The following GRIK4 variants were observed in gnomAD, a reference collection of about 807,000 sequenced individuals.
GRIK4 encodes glutamate receptor ionotropic, kainate 4.
GRIK4 carries 40 observed loss-of-function variants against 104.9 expected under a neutral mutation model. The ratio of observed to expected loss-of-function variants is 0.38; its 90% CI spans 0.30 to 0.50. The LOEUF (loss-of-function observed/expected upper bound fraction) is 0.50. Among genes scored for constraint, GRIK4 ranks in the 20% least tolerant of loss-of-function variants. The pLI, the probability that GRIK4 is intolerant of heterozygous loss-of-function variation, is 0.93. For synonymous variants in GRIK4, 485 were observed against 524.9 expected (o/e 0.92, Z 1.04); for missense variants, 1,047 against 1,308.1 (o/e 0.80, Z 3.08).
chr11:120,757,082 C>G (rs982830726), intron 3 of GRIK4, among the ~76,000 whole-genome samples: 6 of 152,208 alleles, frequency 3.9e-5, no homozygotes, highest in African/African-American at 1.4e-4. Flanking sequence ...CGTGGAGCTG[C>G]CTCCTCACTG....
chr11:120,833,269 TTCTC>T (rs1199397905), intron 7 of GRIK4, among the ~76,000 whole-genome samples: 2 of 134,700 alleles, frequency 1.5e-5, no homozygotes, highest in Non-Finnish European at 3.1e-5. Context: ...CTCTCTTTCT[TTCTC>T]TCTCTCTCTT....
At chr11:120,656,067 T>C (rs946566681) in intron 2 of GRIK4, among the ~76,000 whole-genome samples, 4 of 152,214 alleles carry the variant, frequency 2.6e-5, no homozygotes, top group African/African-American at 9.7e-5. Flanking sequence ...AACCTGGTGC[T>C]CTAACTTCAG....
intron 19 of GRIK4, among the ~76,000 whole-genome samples, chr11:120,979,938 GATTCTC>G (rs1944623856): frequency 6.6e-6 from 1 of 151,752 alleles, no homozygotes; most frequent in Admixed American, 6.6e-5. Flanking sequence ...GGGTTCGAGT[GATTCTC>G]CTATCTCAGC....
At position 120,725,909 on chromosome 11, in the gene GRIK4, G is replaced by A. The variant is rs189991551; in HGVS notation, c.82+65509G>A. On this transcript the variant is annotated intron_variant, in intron 3 of 20. Transcript: ENST00000527524. ...GAATTCTAGTGATGGTGGTGGTGGG[G>A]GGTATACAGACAGACAATATTTTTA... 9.3e-4 allele frequency among the ~76,000 whole-genome samples: 141 copies of A among 152,238 alleles called. 3 individuals carry two copies. The highest frequency in any genetic ancestry group is 3.1e-3 in the African/African-American group (127 of 41,538).
intron 1 of GRIK4, among the ~76,000 whole-genome samples, chr11:120,561,498 C>T (rs559510993): frequency 1.8e-4 from 27 of 152,278 alleles, no homozygotes; most frequent in African/African-American, 5.5e-4. Context: ...TGGAGAGCCA[C>T]GTGGGGACTA....
At chr11:120,752,846 A>G (rs1302560876) in intron 3 of GRIK4, among the ~76,000 whole-genome samples, 2 of 152,214 alleles carry the variant, frequency 1.3e-5, no homozygotes, top group African/African-American at 4.8e-5. Flanking sequence ...AGTGACCCAC[A>G]GTGGGTTTCT....
At chr11:120,712,052 C>T (rs761862195) in intron 3 of GRIK4, among the ~76,000 whole-genome samples, 7 of 152,248 alleles carry the variant, frequency 4.6e-5, no homozygotes, top group African/African-American at 1.4e-4. Context: ...CACACAAGGT[C>T]GCTGCTTCAC....
intron 3 of GRIK4, among the ~76,000 whole-genome samples, chr11:120,759,028 A>G (rs1156877848): frequency 6.6e-6 from 1 of 152,152 alleles, no homozygotes; most frequent in Non-Finnish European, 1.5e-5. Context: ...CAAAAGAGAG[A>G]GTCAAGGGTA....
At chr11:120,545,176 G>C (rs1168638086) in intron 1 of GRIK4, among the ~76,000 whole-genome samples, 1 of 152,072 alleles carries the variant, frequency 6.6e-6, no homozygotes, top group Non-Finnish European at 1.5e-5. Context: ...CCACAGCTTT[G>C]AGCCCTTTTG....
At chr11:120,766,782 C>T (rs566903640) in intron 3 of GRIK4, among the ~76,000 whole-genome samples, 1 of 151,844 alleles carries the variant, frequency 6.6e-6, no homozygotes, top group South Asian at 2.1e-4. Context: ...GTGGGCTGCA[C>T]CCACTGTCTA....
At chr11:120,634,923 A>T (rs1433609614) in intron 1 of GRIK4, among the ~76,000 whole-genome samples, 1 of 152,164 alleles carries the variant, frequency 6.6e-6, no homozygotes, top group Middle Eastern at 3.2e-3. Flanking sequence ...GGAAAGCGAG[A>T]TGCGAACGTC....
intron 3 of GRIK4, among the ~76,000 whole-genome samples, chr11:120,767,199 C>G (rs886547951): frequency 1.3e-5 from 2 of 152,138 alleles, no homozygotes; most frequent in Non-Finnish European, 2.9e-5. Flanking sequence ...TTTCTTCACA[C>G]CCTTGCCAAC....
At chr11:120,640,058 GT>G (rs1329108716) in intron 1 of GRIK4, among the ~76,000 whole-genome samples, 1 of 152,140 alleles carries the variant, frequency 6.6e-6, no homozygotes, top group Non-Finnish European at 1.5e-5. Flanking sequence ...CCAGAAAGGG[GT>G]CTTGATCCGG....
At chr11:120,557,122 C>T (rs1948195366) in intron 1 of GRIK4, among the ~76,000 whole-genome samples, 1 of 152,226 alleles carries the variant, frequency 6.6e-6, no homozygotes, top group Non-Finnish European at 1.5e-5. Flanking sequence ...TTGGAGCCTG[C>T]TTGATGGCAG....
At chr11:120,977,426 G>A (rs186081233) in intron 19 of GRIK4, among the ~76,000 whole-genome samples, 1 of 152,184 alleles carries the variant, frequency 6.6e-6, no homozygotes, top group East Asian at 1.9e-4. Context: ...GATGAATGTC[G>A]ATGTGCTGTG....
intron 1 of GRIK4, chr11:120,515,083 A>T (rs1947708819): frequency 2.2e-6 from 1 of 455,510 alleles, no homozygotes; most frequent in South Asian, 1.6e-5. Context: ...CGCTGACCCC[A>T]ACTTTATGTC....
chr11:120,981,986 G>A (rs781607891), intron 19 of GRIK4, 120 bp from the exon 20 acceptor site: 2 of 720,646 alleles, frequency 2.8e-6, no homozygotes, highest in South Asian at 1.7e-5. Flanking sequence ...ATGCATGGGT[G>A]TCTACTTGAG....
intron 1 of GRIK4, among the ~76,000 whole-genome samples, chr11:120,566,254 C>A (rs765624581): frequency 6.6e-6 from 1 of 152,134 alleles, no homozygotes; most frequent in Non-Finnish European, 1.5e-5. Flanking sequence ...CTGATCTAGG[C>A]AAGATATTCT....
chr11:120,805,066 G>A (rs1195875496), intron 4 of GRIK4, among the ~76,000 whole-genome samples: 2 of 152,164 alleles, frequency 1.3e-5, no homozygotes, highest in Non-Finnish European at 2.9e-5. Flanking sequence ...TAGGCCATGG[G>A]GATTCAGCAG....
Sources: gnomAD v4.1 joint callset for allele counts (sites outside exome capture counted in the v4.1 genomes callset) on GRCh38, gnomAD v4.1.1 for gene constraint, MANE v1.5 for transcripts, NCBI Gene and HGNC (gene_info 2026-07-23, HGNC 2026-07-21) for gene names.